Variants in INPP5B observed in about 807,000 individuals in gnomAD.
INPP5B encodes inositol polyphosphate-5-phosphatase B, also known as type II inositol 1,4,5-trisphosphate 5-phosphatase.
In INPP5B, 90 loss-of-function variants were observed where a neutral mutation model predicts 118.5. That is an observed-to-expected ratio of 0.76 (90% CI 0.64 to 0.90). The LOEUF (loss-of-function observed/expected upper bound fraction) is 0.90. Ranked by LOEUF, INPP5B falls within the 40% of genes least tolerant of loss-of-function variation. The pLI is 0.00. For missense variants in INPP5B, 984 were observed against 1,125.6 expected (o/e 0.87, Z 1.80); for synonymous variants, 385 against 418.9 (o/e 0.92, Z 0.99).
chr1:37,942,726 T>G (rs1335613759), intron 5 of INPP5B, among the ~76,000 whole-genome samples: 1 of 151,948 alleles, frequency 6.6e-6, no homozygotes, highest in East Asian at 2.0e-4. Flanking sequence ...CTGGCCAACA[T>G]GGCAAAACCC....
intron 10 of INPP5B, 86 bp downstream of exon 10, chr1:37,888,157 A>G (rs1051059316): frequency 3.8e-6 from 3 of 780,252 alleles, no homozygotes; most frequent in Non-Finnish European, 5.6e-6. Flanking sequence ...CATTTTTCAA[A>G]TCCTTCACCT....
chr1:37,932,161 G>A (rs532914460), intron 6 of INPP5B, 108 bp from the exon 7 acceptor site: 4 of 900,166 alleles, frequency 4.4e-6, no homozygotes, highest in Non-Finnish European at 6.0e-6. Flanking sequence ...GCGCACAGAA[G>A]GGTTCTGTGC....
intron 15 of INPP5B, 111 bp downstream of exon 15, chr1:37,879,974 G>T: frequency 1.7e-6 from 1 of 591,520 alleles, no homozygotes; most frequent in South Asian, 2.4e-5. Flanking sequence ...GCAAAACATA[G>T]GGAAAAAGTC....
At chr1:37,926,330 G>C (rs60766942) in intron 7 of INPP5B, among the ~76,000 whole-genome samples, 2,030 of 150,646 alleles carry the variant, frequency 0.013, 43 homozygotes, top group African/African-American at 0.047. Flanking sequence ...TCTCACTGTC[G>C]TCAGGCTGGC....
intron 21 of INPP5B, among the ~76,000 whole-genome samples, chr1:37,866,158 C>G (rs1172158998): frequency 6.6e-6 from 1 of 152,084 alleles, no homozygotes; most frequent in Admixed American, 6.6e-5. Flanking sequence ...AAAAATTAGC[C>G]AAGTGTGGTA....
At chr1:37,869,293 CGATTTTTTTTTTAATT>C (rs1328331291) in intron 19 of INPP5B, among the ~76,000 whole-genome samples, 2 of 149,870 alleles carry the variant, frequency 1.3e-5, no homozygotes, top group Admixed American at 6.7e-5. Flanking sequence ...GTGCCCGGCC[CGATTTTTTTTTTAATT>C]GATTTTTTTT....
chr1:37,911,047 G>T (rs997925303), intron 7 of INPP5B, among the ~76,000 whole-genome samples: 1 of 152,100 alleles, frequency 6.6e-6, no homozygotes, highest in Non-Finnish European at 1.5e-5. Flanking sequence ...CTGTGTGGTC[G>T]GAATTCTTAC....
chr1:37,925,062 T>C (rs1372316144), intron 7 of INPP5B, among the ~76,000 whole-genome samples: 1 of 152,110 alleles, frequency 6.6e-6, no homozygotes, highest in Admixed American at 6.5e-5. Context: ...TAATCTCAGC[T>C]ACTTGGGAGG....
intron 7 of INPP5B, among the ~76,000 whole-genome samples, chr1:37,925,442 C>T (rs1406134069): frequency 3.3e-5 from 5 of 152,104 alleles, no homozygotes; most frequent in African/African-American, 9.7e-5. Context: ...AGAGATATCA[C>T]TATGTTGCCC....
intron 7 of INPP5B, among the ~76,000 whole-genome samples, chr1:37,927,601 A>G (rs945780235): frequency 3.3e-5 from 5 of 151,222 alleles, no homozygotes; most frequent in Non-Finnish European, 5.9e-5. Flanking sequence ...CAGTGGCGCA[A>G]TCTCAGCTCA....
At chr1:37,944,578 G>T (rs921999254) in intron 3 of INPP5B, among the ~76,000 whole-genome samples, 1 of 149,380 alleles carries the variant, frequency 6.7e-6, no homozygotes, top group Admixed American at 6.7e-5. Flanking sequence ...ACACCCCATG[G>T]TGTTCGTTTT....
chr1:37,910,103 C>T (rs929903670), intron 7 of INPP5B, among the ~76,000 whole-genome samples: 4 of 152,224 alleles, frequency 2.6e-5, no homozygotes, highest in Admixed American at 2.0e-4. Context: ...CTTCCCAGAT[C>T]GTCTCAGCTT....
At position 37,882,814 on chromosome 1, in the gene INPP5B, T is replaced by C. The variant is rs767906609; in HGVS notation, c.1424A>G (p.Tyr475Cys). 1 of 1,609,380 alleles carries C rather than the reference T, an allele frequency of 6.2e-7. No individual in the cohort carries two copies. Among genetic ancestry groups the C allele is most frequent in the Non-Finnish European group, 8.5e-7 (1 of 1,175,616 alleles). ...EEKDFQMLYA[Y>C]DQLKIQVAAK... The stretch of plus-strand genomic sequence containing the variant: ...ACAGGTGGCCATCTGTACCTGATCA[T>C]ATGCATACAGCATTTGAAAGTCCTT... The change falls in exon 14 of 24, where the codon TAT (tyrosine) becomes TGT (cysteine). Residue 475 changes from tyrosine (Y) to cysteine (C), a missense_variant. Physicochemically the swap from Tyr to Cys is radical, Grantham distance 194 (BLOSUM62 -2). Coordinates refer to ENST00000373024, the MANE Select transcript of INPP5B (RefSeq NM_005540.3).
chr1:37,880,242 A>G (rs773068622), intron 14 of INPP5B, 48 bp from the exon 15 acceptor site: 17 of 1,380,444 alleles, frequency 1.2e-5, no homozygotes, highest in African/African-American at 2.8e-5. Flanking sequence ...AAAAAGGTCA[A>G]ACTTTGAATT....
intron 3 of INPP5B, among the ~76,000 whole-genome samples, chr1:37,945,368 G>C (rs956259359): frequency 6.6e-6 from 1 of 151,826 alleles, no homozygotes; most frequent in Non-Finnish European, 1.5e-5. Context: ...GGGACGCAGA[G>C]GTTGCAGTGA....
chr1:37,937,583 A>G (rs1645743818), intron 6 of INPP5B, among the ~76,000 whole-genome samples: 1 of 151,736 alleles, frequency 6.6e-6, no homozygotes, highest in Non-Finnish European at 1.5e-5. Context: ...CCTGGCCAAC[A>G]TGGTAAAACC....
rs961522649 is a variant in INPP5B at position 37,868,557 on chromosome 1, T to C, written c.2245A>G (p.Ile749Val). The change falls in exon 20 of 24, where the codon ATC (isoleucine) becomes GTC (valine). Residue 749 changes from isoleucine (I) to valine (V), a missense_variant. Physicochemically the swap from Ile to Val is conservative, Grantham distance 29. Around this residue, in one of 2 missense-constraint regions of INPP5B, gnomAD observed 634 missense variants for 791.0 expected, o/e 0.80. Coordinates refer to ENST00000373024, the MANE Select transcript of INPP5B (RefSeq NM_005540.3). Reference sequence around the variant, plus strand: ...ACCATCATCCAGAGCTCTTTGGGGATTTCCATGGGGCTATCCAACTGGCTC... The same window carrying C: ...ACCATCATCCAGAGCTCTTTGGGGACTTCCATGGGGCTATCCAACTGGCTC... ...DGSQLDSPME[I>V]PKELWMMVDY... 3.1e-6 allele frequency: 5 copies of C among 1,614,092 alleles called. No homozygotes were observed. The highest frequency in any genetic ancestry group is 4.2e-6 in the Non-Finnish European group (5 of 1,179,984).
intron 2 of INPP5B, 32 bp from the exon 3 acceptor site, chr1:37,945,882 G>C (rs1646093519): frequency 6.2e-7 from 1 of 1,601,342 alleles, no homozygotes; most frequent in African/African-American, 1.3e-5. Flanking sequence ...AGACAACCCA[G>C]AGGCGAGGCC....
chr1:37,866,675 G>A (rs906868553), intron 20 of INPP5B, 132 bp from the exon 21 acceptor site: 7 of 661,102 alleles, frequency 1.1e-5, no homozygotes, highest in Admixed American at 8.6e-5. Context: ...CCTGACAGAT[G>A]ATCTGATTTA....
Sources: allele counts gnomAD v4.1 joint callset (sites outside exome capture counted in the v4.1 genomes callset), GRCh38; gene constraint gnomAD v4.1.1; regional missense constraint gnomAD v4.1.1; transcripts MANE v1.5; gene names NCBI Gene and HGNC (gene_info 2026-07-23, HGNC 2026-07-21).